PACSIN2: variants seen among roughly 807,000 people sequenced by gnomAD.
PACSIN2 encodes protein kinase C and casein kinase substrate in neurons protein 2.
Under a neutral mutation model 63.8 loss-of-function variants are expected in PACSIN2, and 25 were observed. That is an observed-to-expected ratio of 0.39 (90% confidence interval 0.29 to 0.55). The LOEUF (loss-of-function observed/expected upper bound fraction) is 0.55, where lower values mean the gene tolerates loss of function less well. Among genes scored for constraint, PACSIN2 ranks in the 20% least tolerant of loss-of-function variants. The pLI, the probability that PACSIN2 is intolerant of heterozygous loss-of-function variation, is 0.62. For missense variants in PACSIN2, 518 were observed against 646.9 expected (o/e 0.80, Z 2.16); for synonymous variants, 255 against 256.2 (o/e 1.00, Z 0.05).
intron 1 of PACSIN2, among the ~76,000 whole-genome samples, chr22:42,942,683 C>G (rs1463845242): frequency 2.6e-5 from 4 of 152,200 alleles, no homozygotes; most frequent in African/African-American, 9.7e-5. Flanking sequence ...CCCCATTGAA[C>G]TGGCTTAGCA....
chr22:42,874,868 T>TTTGA (rs3046487), intron 10 of PACSIN2, among the ~76,000 whole-genome samples: 1 of 146,822 alleles, frequency 6.8e-6, no homozygotes. Flanking sequence ...TTTTTTTTTT[T>TTTGA]GAAAAAGAGT....
chr22:42,939,778 G>C (rs1933068669), intron 1 of PACSIN2, among the ~76,000 whole-genome samples: 1 of 152,262 alleles, frequency 6.6e-6, no homozygotes, highest in Non-Finnish European at 1.5e-5. Flanking sequence ...GACACTCCCT[G>C]GCCAGCCTAG....
intron 1 of PACSIN2, among the ~76,000 whole-genome samples, chr22:42,979,675 G>T (rs2146881709): frequency 6.6e-6 from 1 of 152,272 alleles, no homozygotes; most frequent in East Asian, 1.9e-4. Context: ...TTCCTCCTGG[G>T]AGTATATGCT....
chr22:42,920,668 G>A (rs1932125210), intron 1 of PACSIN2, among the ~76,000 whole-genome samples: 1 of 151,810 alleles, frequency 6.6e-6, no homozygotes, highest in African/African-American at 2.4e-5. Context: ...ACCAGGAGAA[G>A]AAAACCACCT....
intron 2 of PACSIN2, among the ~76,000 whole-genome samples, chr22:42,906,574 C>A (rs1931089534): frequency 6.6e-6 from 1 of 151,544 alleles, no homozygotes; most frequent in Non-Finnish European, 1.5e-5. Flanking sequence ...CACTATAGCT[C>A]AGGGGGAGGG....
chr22:42,877,041 C>T, intron 8 of PACSIN2, 31 bp from the exon 9 acceptor site: 1 of 1,612,860 alleles, frequency 6.2e-7, no homozygotes, highest in Non-Finnish European at 8.5e-7. Flanking sequence ...CAGGGGATCC[C>T]AGCTCTGCAG....
chr22:42,971,758 G>C (rs1414971829), intron 1 of PACSIN2, among the ~76,000 whole-genome samples: 1 of 151,530 alleles, frequency 6.6e-6, no homozygotes, highest in Admixed American at 6.6e-5. Context: ...CGGGAGGTGG[G>C]GGGTAGCCCC....
At chr22:42,916,921 G>A (rs1415911848) in intron 1 of PACSIN2, among the ~76,000 whole-genome samples, 2 of 152,158 alleles carry the variant, frequency 1.3e-5, no homozygotes, top group Non-Finnish European at 2.9e-5. Context: ...CTGGGGCTGG[G>A]TTTGATTTTT....
At chr22:42,973,678 C>A (rs1921485982) in intron 1 of PACSIN2, among the ~76,000 whole-genome samples, 1 of 152,212 alleles carries the variant, frequency 6.6e-6, no homozygotes, top group East Asian at 1.9e-4. Context: ...GCCCCATAAA[C>A]CCAGACTGGG....
At chr22:42,893,649 G>A in intron 2 of PACSIN2, 36 bp from the exon 3 acceptor site, 1 of 1,600,158 alleles carries the variant, frequency 6.2e-7, no homozygotes, top group Non-Finnish European at 8.5e-7. Context: ...CAGGGGGCTT[G>A]GGGCAGCCTG....
rs752372125 is a variant in PACSIN2 at position 42,879,152 on chromosome 22, C to T, written c.924G>A (p.Leu308=). The change falls in exon 8 of 11, where the codon CTG becomes CTA. Residue 308 remains leucine, a synonymous_variant. Coordinates refer to ENST00000263246, the MANE Select transcript of PACSIN2 (RefSeq NM_001184970.3). ...WPQFEEWSAD[L]NRTLSRREKK... ...TCTCTCTCCGGCTGAGGGTTCGATT[C>T]AGGTCTGCGGACCACTCCTAGGCAA... is the stretch of plus-strand genomic sequence containing the variant. The T allele has an allele frequency of 1.2e-6, 2 of 1,613,986 alleles. No individual in the cohort carries two copies. Among genetic ancestry groups the T allele is most frequent in the Non-Finnish European group, 1.7e-6 (2 of 1,179,934 alleles).
chr22:42,917,577 T>C (rs1241833588), intron 1 of PACSIN2, among the ~76,000 whole-genome samples: 1 of 151,992 alleles, frequency 6.6e-6, no homozygotes, highest in African/African-American at 2.4e-5. Context: ...ATTGTGCCAC[T>C]GCACTCCTGC....
At chr22:42,878,820 T>C (rs572916111) in intron 8 of PACSIN2, among the ~76,000 whole-genome samples, 1 of 151,798 alleles carries the variant, frequency 6.6e-6, no homozygotes, top group East Asian at 1.9e-4. Context: ...TCAGCAGCTC[T>C]GGCACCAGGC....
At chr22:42,931,156 T>A (rs529335860) in intron 1 of PACSIN2, among the ~76,000 whole-genome samples, 2 of 152,360 alleles carry the variant, frequency 1.3e-5, no homozygotes, top group East Asian at 3.9e-4. Context: ...ACCTGCCTTG[T>A]TCACAGTTGT....
intron 1 of PACSIN2, 119 bp downstream of exon 1, chr22:43,014,902 C>A (rs1393891129): frequency 1.3e-5 from 2 of 150,284 alleles, no homozygotes; most frequent in Non-Finnish European, 3.0e-5. Flanking sequence ...TCCCTCAGGG[C>A]GCGGAGCTCG....
At chr22:42,879,540 GC>G (rs1928918930) in intron 7 of PACSIN2, among the ~76,000 whole-genome samples, 1 of 152,192 alleles carries the variant, frequency 6.6e-6, no homozygotes, top group South Asian at 2.1e-4. Context: ...CTCAGTCCCA[GC>G]CCCCTCAGGC....
At chr22:42,910,374 C>T (rs1200072743) in intron 2 of PACSIN2, among the ~76,000 whole-genome samples, 2 of 152,244 alleles carry the variant, frequency 1.3e-5, no homozygotes, top group Non-Finnish European at 2.9e-5. Flanking sequence ...CTTCTAAAGG[C>T]TGGAGAGCTC....
At chr22:43,001,276 G>C (rs1923749560) in intron 1 of PACSIN2, among the ~76,000 whole-genome samples, 1 of 152,180 alleles carries the variant, frequency 6.6e-6, no homozygotes, top group Admixed American at 6.5e-5. Context: ...TAGCTGAAAA[G>C]CTCTAAGGAT....
Position 42,955,766 on chromosome 22 carries a change from A to G in PACSIN2, c.-77-43609T>C, listed in dbSNP as rs150783183. Among the ~76,000 whole-genome samples, 382 of 152,314 alleles carry G rather than the reference A, an allele frequency of 2.5e-3. 3 individuals are homozygous for G. Among genetic ancestry groups the G allele is most frequent in the African/African-American group, 8.7e-3 (362 of 41,562 alleles). ...GATCTGACTAAGTGAACCTGAGGTG[A>G]CCGTCCCTATAGATGGGAAAGTAGT... is the stretch of plus-strand genomic sequence containing the variant. On this transcript the variant is annotated intron_variant, in intron 1 of 10. Transcript: ENST00000263246.
Sources: gnomAD v4.1 joint callset for allele counts (sites outside exome capture counted in the v4.1 genomes callset) on GRCh38, gnomAD v4.1.1 for gene constraint, MANE v1.5 for transcripts, NCBI Gene and HGNC (gene_info 2026-07-23, HGNC 2026-07-21) for gene names.